Variants in RSPO3 observed in about 807,000 individuals in gnomAD.
RSPO3 encodes R-spondin 3.
A neutral mutation model predicts 36.5 loss-of-function variants in RSPO3; 17 were observed. That is an observed-to-expected ratio of 0.47 (90% CI 0.32 to 0.70). The LOEUF (loss-of-function observed/expected upper bound fraction) is 0.70, where lower values mean the gene tolerates loss of function less well. Among genes scored for constraint, RSPO3 ranks in the 30% least tolerant of loss-of-function variants. The pLI is 0.04. For synonymous variants in RSPO3, 108 were observed against 107.0 expected (o/e 1.01, Z -0.06); for missense variants, 294 against 322.5 (o/e 0.91, Z 0.68).
At chr6:127,175,279 C>T (rs1775028894) in intron 4 of RSPO3, among the ~76,000 whole-genome samples, 1 of 151,642 alleles carries the variant, frequency 6.6e-6, no homozygotes, top group Admixed American at 6.6e-5. Context: ...AATAGAATTC[C>T]TTTATTGAAT....
chr6:127,165,205 AATTAAT>A (rs770367918), intron 4 of RSPO3, among the ~76,000 whole-genome samples: 112 of 152,162 alleles, frequency 7.4e-4, no homozygotes, highest in Non-Finnish European at 1.2e-3. Context: ...GTTAATATCT[AATTAAT>A]TATAACTCAT....
chr6:127,125,644 T>C (rs1169916080), intron 1 of RSPO3, among the ~76,000 whole-genome samples: 1 of 152,170 alleles, frequency 6.6e-6, no homozygotes. Flanking sequence ...AACATAAACA[T>C]TCATTGATTA....
intron 1 of RSPO3, among the ~76,000 whole-genome samples, chr6:127,135,169 C>T (rs1774129171): frequency 1.3e-5 from 2 of 152,138 alleles, no homozygotes; most frequent in African/African-American, 4.8e-5. Context: ...CGCCTGTAAT[C>T]CCAGCACTTT....
chr6:127,120,815 T>C (rs1479567262), intron 1 of RSPO3, among the ~76,000 whole-genome samples: 1 of 152,218 alleles, frequency 6.6e-6, no homozygotes. Flanking sequence ...AAACTAAATA[T>C]GTCAGGGCAT....
Position 127,197,381 on chromosome 6 carries a change from T to A in RSPO3, c.*1374T>A. On this transcript the variant is annotated 3_prime_UTR_variant, in exon 5 of 5. Transcript: ENST00000356698. ...GTCAGATCCCCCTGCATCTTCAACA[T>A]TTAGTCTTTTCTTCTCCATATTTTC... The A allele has an allele frequency of 6.5e-7, 1 of 1,548,822 alleles. No homozygotes were observed. The highest frequency in any genetic ancestry group is 8.7e-7 in the Non-Finnish European group (1 of 1,146,202).
intron 1 of RSPO3, among the ~76,000 whole-genome samples, chr6:127,135,471 C>T (rs888043402): frequency 6.7e-6 from 1 of 149,194 alleles, no homozygotes; most frequent in Admixed American, 6.7e-5. Flanking sequence ...AAAGATCCCT[C>T]TGATTGGTAA....
chr6:127,150,367 C>A, intron 2 of RSPO3, 59 bp from the exon 3 acceptor site: 1 of 1,518,280 alleles, frequency 6.6e-7, no homozygotes, highest in South Asian at 1.2e-5. Flanking sequence ...ACATGTAGAA[C>A]TGGACCAATA....
intron 1 of RSPO3, among the ~76,000 whole-genome samples, chr6:127,142,761 A>C (rs751136161): frequency 2.0e-5 from 3 of 151,636 alleles, no homozygotes; most frequent in Non-Finnish European, 2.9e-5. Flanking sequence ...TACTACTTTA[A>C]CATTTTTATT....
At chr6:127,126,329 G>T (rs1043426279) in intron 1 of RSPO3, among the ~76,000 whole-genome samples, 4 of 152,010 alleles carry the variant, frequency 2.6e-5, no homozygotes, top group Non-Finnish European at 5.9e-5. Flanking sequence ...TGATACGGGG[G>T]TGTAAAAAAT....
rs1426003059 is a variant in RSPO3 at position 127,199,080 on chromosome 6, G to A, written c.*3073G>A. Among the ~76,000 whole-genome samples the A allele has an allele frequency of 6.6e-6, 1 of 152,168 alleles. No homozygotes were observed. Among genetic ancestry groups the A allele is most frequent in the Non-Finnish European group, 1.5e-5 (1 of 68,018 alleles). On this transcript the variant is annotated 3_prime_UTR_variant, in exon 5 of 5. Coordinates refer to ENST00000356698, the MANE Select transcript of RSPO3 (RefSeq NM_032784.5). ...CATTCTCACAAAGGGAGACAGCAAA[G>A]AAAATGGAAAGTGCACTGGTGCTAG...
intron 4 of RSPO3, among the ~76,000 whole-genome samples, chr6:127,184,994 T>C (rs923446522): frequency 6.6e-6 from 1 of 151,974 alleles, no homozygotes; most frequent in African/African-American, 2.4e-5. Context: ...CTTCCAAACC[T>C]ACCCTCATCA....
intron 1 of RSPO3, among the ~76,000 whole-genome samples, chr6:127,139,715 C>CG (rs1396237170): frequency 3.3e-5 from 5 of 152,030 alleles, no homozygotes; most frequent in Non-Finnish European, 7.4e-5. Flanking sequence ...GCTGTTATTA[C>CG]CTACTAACTC....
At chr6:127,193,513 CT>C (rs1775454712) in intron 4 of RSPO3, among the ~76,000 whole-genome samples, 1 of 152,114 alleles carries the variant, frequency 6.6e-6, no homozygotes, top group African/African-American at 2.4e-5. Flanking sequence ...TTTTATGGAA[CT>C]TTGGAATGGT....
At chr6:127,188,048 GC>G (rs1228993065) in intron 4 of RSPO3, among the ~76,000 whole-genome samples, 1 of 152,072 alleles carries the variant, frequency 6.6e-6, no homozygotes, top group Non-Finnish European at 1.5e-5. Context: ...CCAGCTAATG[GC>G]CCTTTTAAAT....
At chr6:127,124,177 T>C (rs942783301) in intron 1 of RSPO3, among the ~76,000 whole-genome samples, 1 of 152,082 alleles carries the variant, frequency 6.6e-6, no homozygotes, top group Non-Finnish European at 1.5e-5. Flanking sequence ...AAAACTATTC[T>C]AGATATACTG....
intron 1 of RSPO3, among the ~76,000 whole-genome samples, chr6:127,129,143 C>G (rs1178734391): frequency 6.6e-6 from 1 of 152,024 alleles, no homozygotes; most frequent in African/African-American, 2.4e-5. Flanking sequence ...TTTAGATTGA[C>G]TACTGGTGAT....
intron 4 of RSPO3, among the ~76,000 whole-genome samples, chr6:127,168,391 T>A (rs1455710389): frequency 7.5e-6 from 1 of 133,438 alleles, no homozygotes; most frequent in Non-Finnish European, 1.7e-5. Context: ...TGTTGGCGCA[T>A]AAATGTCTTC....
At chr6:127,134,262 C>T (rs1166342601) in intron 1 of RSPO3, among the ~76,000 whole-genome samples, 1 of 152,180 alleles carries the variant, frequency 6.6e-6, no homozygotes, top group Non-Finnish European at 1.5e-5. Context: ...AGGAAGTATG[C>T]TATTGTCCAC....
At chr6:127,139,996 A>C (rs1774238781) in intron 1 of RSPO3, among the ~76,000 whole-genome samples, 1 of 152,174 alleles carries the variant, frequency 6.6e-6, no homozygotes, top group Non-Finnish European at 1.5e-5. Flanking sequence ...CAGTTTCAAT[A>C]GCAGCATCAA....
Sources: gnomAD v4.1 joint callset for allele counts (sites outside exome capture counted in the v4.1 genomes callset) on GRCh38, gnomAD v4.1.1 for gene constraint, MANE v1.5 for transcripts, NCBI Gene and HGNC (gene_info 2026-07-23, HGNC 2026-07-21) for gene names.